Variants in INO80 observed in about 807,000 individuals in gnomAD.
INO80 encodes the protein INO80 complex ATPase subunit.
INO80 carries 20 observed loss-of-function variants against 203.4 expected under a neutral mutation model. The ratio of observed to expected loss-of-function variants is 0.10; its 90% CI spans 0.07 to 0.14. The LOEUF (loss-of-function observed/expected upper bound fraction) is 0.14, where lower values mean the gene tolerates loss of function less well. INO80 is among the 10% of genes least tolerant of loss of function. The pLI is 1.00. For synonymous variants in INO80, 726 were observed against 685.2 expected (o/e 1.06, Z -0.93); for missense variants, 1,419 against 1,914.4 (o/e 0.74, Z 4.83).
At chr15:41,054,704 T>C (rs1266631853) in intron 18 of INO80, among the ~76,000 whole-genome samples, 1 of 152,186 alleles carries the variant, frequency 6.6e-6, no homozygotes. Flanking sequence ...AATGATGCAA[T>C]CTCGGCTCAC....
rs2044484653 is a variant in INO80 at position 41,031,962 on chromosome 15, GGA to G, written c.2908-4228_2908-4227del. 1.9e-3 allele frequency among the ~76,000 whole-genome samples: 143 copies of G among 74,714 alleles called. 1 individual carries two copies. Among genetic ancestry groups the G allele is most frequent in the Non-Finnish European group, 2.1e-3 (64 of 30,932 alleles). The allele number at this position is 74,714 out of a possible 152,430, so 49.0% of individuals were successfully genotyped here. A position where few individuals can be genotyped will look rare whatever the true frequency, so the allele number is the denominator to read the frequency against. On this transcript the variant is annotated intron_variant, in intron 24 of 35. Transcript: ENST00000648947. The stretch of plus-strand genomic sequence containing the variant: ...GCACAGCACAGCACAGCACAGCACA[GGA>G]CAGCACAGCACAGCACAGCACAGCA...
intron 24 of INO80, among the ~76,000 whole-genome samples, chr15:41,044,314 T>C (rs2044717719): frequency 6.6e-6 from 1 of 152,120 alleles, no homozygotes; most frequent in South Asian, 2.1e-4. Context: ...TCTACCACAG[T>C]AGAACAGATT....
rs1363103730 is a variant in INO80 at position 41,116,060 on chromosome 15, C to T, written c.-131G>A. The T allele has an allele frequency of 2.0e-5, 8 of 395,694 alleles. No homozygotes were observed. In the Admixed American group the frequency reaches 2.7e-4, roughly 13 times the overall value. 24.5% of individuals were successfully genotyped at this position (395,694 alleles called of 1,614,324 possible). On this transcript the variant is annotated 5_prime_UTR_variant, in exon 1 of 36. Transcript: ENST00000648947. ...CCGGAGGGGGGGGTCGCCCCGCCGA[C>T]GGTGGAGCCGCGGTTCGCTCTCTGA...
Position 40,983,052 on chromosome 15 carries a change from A to C in INO80, c.4263T>G (p.Ala1421=). The change falls in exon 35 of 36, where the codon GCT becomes GCG. Residue 1421 remains alanine (A), a synonymous_variant. Coordinates refer to ENST00000648947, the MANE Select transcript of INO80 (RefSeq NM_017553.3). The part of the protein sequence containing the change: ...VNGISIQEMP[A]AGRGHSARSR... ...TTCGGGCTGAGTGACCACGTCCTGC[A>C]GCTGGCATTTCCTGAATGGAAATTC... is the stretch of plus-strand genomic sequence containing the variant. 6.2e-7 allele frequency: 1 copy of C among 1,613,926 alleles called. No individual in the cohort carries two copies. The highest frequency in any genetic ancestry group is 1.1e-5 in the South Asian group (1 of 91,082).
chr15:41,020,818 A>G (rs1381894872), intron 26 of INO80, 82 bp downstream of exon 26: 2 of 838,718 alleles, frequency 2.4e-6, no homozygotes, highest in East Asian at 2.5e-5. Context: ...AATTCCAAAT[A>G]TCTGAAAGGA....
chr15:41,113,283 G>A (rs1389468633), intron 1 of INO80, among the ~76,000 whole-genome samples: 1 of 151,078 alleles, frequency 6.6e-6, no homozygotes, highest in Admixed American at 6.6e-5. Flanking sequence ...TTGTTTTTTT[G>A]AGACAGAGTT....
chr15:40,989,561 C>T (rs1262737799), intron 29 of INO80, among the ~76,000 whole-genome samples: 2 of 152,318 alleles, frequency 1.3e-5, no homozygotes, highest in Middle Eastern at 3.4e-3. Flanking sequence ...CTAGACCAGG[C>T]CCTCACAACC....
At chr15:41,038,349 C>T (rs186357009) in intron 24 of INO80, among the ~76,000 whole-genome samples, 2 of 152,152 alleles carry the variant, frequency 1.3e-5, no homozygotes, top group African/African-American at 4.8e-5. Flanking sequence ...ACTCTTTTCT[C>T]TTAAAAAAGT....
chr15:41,046,153 G>A (rs947186042), intron 23 of INO80, among the ~76,000 whole-genome samples: 1 of 122,104 alleles, frequency 8.2e-6, no homozygotes, highest in African/African-American at 2.8e-5. Flanking sequence ...TAAGGGGTGT[G>A]TGTGTGTCTG....
At position 41,047,439 on chromosome 15, in the gene INO80, C is replaced by A. The variant is rs369686349; in HGVS notation, c.2704G>T (p.Ala902Ser). 1 of 1,613,428 alleles carries A rather than the reference C, an allele frequency of 6.2e-7. No individual in the cohort carries two copies. The highest frequency in any genetic ancestry group is 1.1e-5 in the South Asian group (1 of 91,000). Residue 902 changes from alanine to serine, a missense_variant, in exon 23 of 36, where the codon GCA becomes TCA. By Grantham distance (99) the Ala-to-Ser change is moderately conservative. Transcript: ENST00000648947. ...AAAAGTCCCTGAAGCATAAGGTTTG[C>A]CATTTCTGCTGGAGATATATCAATA... ...RFIDISPAEM[A>S]NLMLQGLLAR...
intron 1 of INO80, among the ~76,000 whole-genome samples, chr15:41,103,546 C>T (rs1387528707): frequency 6.6e-6 from 1 of 152,090 alleles, no homozygotes; most frequent in Non-Finnish European, 1.5e-5. Flanking sequence ...CCCGCCACCA[C>T]GCCCGGCTAA....
Position 41,045,087 on chromosome 15 carries a change from C to G in INO80, c.2736-12G>C, listed in dbSNP as rs146717150. ...AAAGAGCTAACCATCTGAAACAAACCACAGCAGACACGCTTATTCAGTGCT... is the reference window on the plus strand; with the variant it reads ...AAAGAGCTAACCATCTGAAACAAACGACAGCAGACACGCTTATTCAGTGCT... On this transcript the variant is annotated splice_polypyrimidine_tract_variant and intron_variant, in intron 23 of 35. Coordinates refer to ENST00000648947, the MANE Select transcript of INO80 (RefSeq NM_017553.3). The G allele has an allele frequency of 9.4e-5, 150 of 1,590,974 alleles. No homozygotes were observed. The highest frequency in any genetic ancestry group is 1.2e-4 in the Non-Finnish European group (144 of 1,173,324).
chr15:41,070,340 G>T, intron 13 of INO80, 127 bp downstream of exon 13: 1 of 826,300 alleles, frequency 1.2e-6, no homozygotes, highest in Non-Finnish European at 1.9e-6. Context: ...AAGCTCTGAG[G>T]CAAGAACCCA....
chr15:41,089,241 G>C (rs2045600902), intron 5 of INO80, among the ~76,000 whole-genome samples: 2 of 151,990 alleles, frequency 1.3e-5, no homozygotes, highest in Admixed American at 6.6e-5. Context: ...CAAATACTTG[G>C]AGCGCCAAGT....
intron 27 of INO80, among the ~76,000 whole-genome samples, chr15:41,015,174 G>A (rs1007113170): frequency 6.6e-6 from 1 of 152,240 alleles, no homozygotes; most frequent in Middle Eastern, 3.4e-3. Flanking sequence ...AGCAATTAAA[G>A]AAACAAAAGC....
At chr15:41,052,166 A>G (rs2044886964) in intron 19 of INO80, among the ~76,000 whole-genome samples, 1 of 151,900 alleles carries the variant, frequency 6.6e-6, no homozygotes, top group Non-Finnish European at 1.5e-5. Flanking sequence ...TAAACAATGA[A>G]CTATTGTTTA....
intron 10 of INO80, 89 bp downstream of exon 10, chr15:41,074,281 A>G: frequency 1.2e-6 from 1 of 810,730 alleles, no homozygotes. Context: ...CCTATGAATC[A>G]ATAAAAAATT....
intron 24 of INO80, among the ~76,000 whole-genome samples, chr15:41,035,549 C>T (rs984138989): frequency 6.6e-6 from 1 of 151,016 alleles, no homozygotes; most frequent in African/African-American, 2.4e-5. Flanking sequence ...AGACCGGGCG[C>T]GGTGGCTCAC....
chr15:40,985,272 C>A, intron 32 of INO80, 66 bp downstream of exon 32: 1 of 1,154,478 alleles, frequency 8.7e-7, no homozygotes, highest in South Asian at 1.2e-5. Flanking sequence ...CCATGTACCC[C>A]AAAGCCTTTT....
Sources: gnomAD v4.1 joint callset for allele counts (sites outside exome capture counted in the v4.1 genomes callset) on GRCh38, gnomAD v4.1.1 for gene constraint, MANE v1.5 for transcripts, NCBI Gene and HGNC (gene_info 2026-07-23, HGNC 2026-07-21) for gene names.